The following COL18A1 variants were observed in gnomAD, a reference collection of about 807,000 sequenced individuals.
The protein encoded by COL18A1 is collagen type XVIII alpha 1 chain.
Under a neutral mutation model 168.0 loss-of-function variants are expected in COL18A1, and 133 were observed. The observed-to-expected ratio is 0.79, with a 90% CI of 0.69 to 0.91. The LOEUF is 0.91. Among genes scored for constraint, COL18A1 ranks in the 40% least tolerant of loss-of-function variants. COL18A1 has a pLI of 0.00. For missense variants in COL18A1, 2,126 were observed against 1,925.4 expected (o/e 1.10, Z -1.95); for synonymous variants, 949 against 809.0 (o/e 1.17, Z -2.94).
In COL18A1 at chr21:45,501,062, G is replaced by T. The variant is rs1314790434; in HGVS notation, c.2684-2949G>T. Among the ~76,000 whole-genome samples the T allele has an allele frequency of 3.2e-5, 3 of 92,490 alleles. No individual in the cohort carries two copies. In the East Asian group the frequency reaches 8.4e-4, roughly 26 times the overall value. The allele number at this position is 92,490 out of a possible 152,430, so 60.7% of individuals were successfully genotyped here. ...TGTGTGTTGGGTGTGTAGTGTGGGG[G>T]TGTGGTTTGGTGTGTGTTGGGTGTG... On this transcript the variant is annotated intron_variant, in intron 32 of 41. Transcript: ENST00000651438.
intron 4 of COL18A1, among the ~76,000 whole-genome samples, chr21:45,474,804 C>CCG (rs1555859331): frequency 1.3e-4 from 1 of 7,794 alleles, no homozygotes; most frequent in Non-Finnish European, 2.8e-4. Flanking sequence ...GACACCGTGG[C>CCG]TGGACTGTGG....
rs556342223 is a variant in COL18A1, at chr21:45,481,247, G to A, written c.1611+389G>A. Among the ~76,000 whole-genome samples the A allele has an allele frequency of 3.0e-4, 46 of 152,306 alleles. No individual in the cohort carries two copies. The South Asian group carries it at 9.1e-3, about 30-fold the overall frequency. Reference sequence around the variant, plus strand: ...GCCTGCTTGGCCAACGCGGCTCGTAGGGTCTCAGGTCCCCACGGCAGGCTC... The same window carrying A: ...GCCTGCTTGGCCAACGCGGCTCGTAAGGTCTCAGGTCCCCACGGCAGGCTC... On this transcript the variant is annotated intron_variant, in intron 13 of 41. Coordinates refer to ENST00000651438, the MANE Select transcript of COL18A1 (RefSeq NM_001379500.1).
At chr21:45,432,572 C>T (rs1180756026) in intron 2 of COL18A1, among the ~76,000 whole-genome samples, 2 of 152,326 alleles carry the variant, frequency 1.3e-5, no homozygotes, top group African/African-American at 4.8e-5. Context: ...CCCTCGAGTC[C>T]TAACATCTGC....
intron 14 of COL18A1, chr21:45,482,330 G>C (rs774484447): frequency 2.9e-6 from 2 of 687,232 alleles, no homozygotes; most frequent in East Asian, 5.6e-5. Flanking sequence ...ATGAGCCTCT[G>C]TCGGACTGAC....
intron 8 of COL18A1, 38 bp downstream of exon 8, chr21:45,478,003 G>T: frequency 1.8e-6 from 2 of 1,127,430 alleles, no homozygotes; most frequent in Non-Finnish European, 1.3e-6. Flanking sequence ...GCCCGGTCTG[G>T]AGGGTGGGGG....
chr21:45,456,448 C>T, intron 2 of COL18A1: 1 of 1,544,300 alleles, frequency 6.5e-7, no homozygotes, highest in East Asian at 2.5e-5. Context: ...CTTGGGTCTC[C>T]CACGTGGCTA....
intron 17 of COL18A1, among the ~76,000 whole-genome samples, chr21:45,488,128 G>A (rs2036180086): frequency 6.6e-6 from 1 of 152,252 alleles, no homozygotes; most frequent in Non-Finnish European, 1.5e-5. Flanking sequence ...CACGTGGGGT[G>A]GCTGAAGCCA....
rs762241928 is a variant in COL18A1 at position 45,473,864 on chromosome 21, G to A, written c.652-31G>A. ...GGGTTGCCACTGCCACCTCAGGACC[G>A]CTGGTGACCCCTTTCTCTGTCTGCA... On this transcript the variant is annotated intron_variant, in intron 3 of 41. Transcript: ENST00000651438. This position sits in a 1 kb window ranked among gnomAD's most constrained non-coding sequence, Gnocchi z 4.0. The A allele has an allele frequency of 5.3e-5, 82 of 1,560,244 alleles. No individual in the cohort carries two copies. The South Asian group carries it at 7.1e-4, about 13-fold the overall frequency.
chr21:45,490,774 C>G, intron 20 of COL18A1, 62 bp from the exon 21 acceptor site: 1 of 1,515,740 alleles, frequency 6.6e-7, no homozygotes, highest in Non-Finnish European at 9.0e-7. Flanking sequence ...AGCCATCCCT[C>G]ACGGGGGGCC....
intron 2 of COL18A1, among the ~76,000 whole-genome samples, chr21:45,461,124 G>A (rs111906163): frequency 0.028 from 4,284 of 152,242 alleles, 210 homozygotes; most frequent in African/African-American, 0.097. Flanking sequence ...TATTCTAGCT[G>A]TAATCACCAT....
In COL18A1 at chr21:45,463,055, G is replaced by T. The variant is rs767729628; in HGVS notation, c.107-5187G>T. ...ACATGCTGCTGTTTTTCAATGTCCC[G>T]TTCTTTCATGTTTGGCTCCCAAAGG... On this transcript the variant is annotated intron_variant, in intron 2 of 41. Coordinates refer to ENST00000651438, the MANE Select transcript of COL18A1 (RefSeq NM_001379500.1). The surrounding 1 kb of genome is among the most constrained non-coding windows in gnomAD (Gnocchi z 4.0). 6.6e-6 allele frequency among the ~76,000 whole-genome samples: 1 copy of T among 152,008 alleles called. No individual in the cohort carries two copies. Among genetic ancestry groups the T allele is most frequent in the Non-Finnish European group, 1.5e-5 (1 of 68,022 alleles).
At chr21:45,476,245 T>C in intron 5 of COL18A1, 106 bp from the exon 6 acceptor site, 1 of 1,525,844 alleles carries the variant, frequency 6.6e-7, no homozygotes, top group Non-Finnish European at 8.9e-7. Context: ...AGAGGATTTT[T>C]CTTTATCTTT....
chr21:45,500,737 TTGG>T (rs1243730908), intron 32 of COL18A1, among the ~76,000 whole-genome samples: 1 of 20,096 alleles, frequency 5.0e-5, no homozygotes, highest in Non-Finnish European at 1.1e-4. Context: ...GTTTGGTGTG[TTGG>T]GTGTGTAGTG....
In COL18A1 at chr21:45,443,948, G is replaced by A. The variant is rs1202068151; in HGVS notation, c.107-24294G>A. Among the ~76,000 whole-genome samples, 1 of 152,156 alleles carries A rather than the reference G, an allele frequency of 6.6e-6. No individual in the cohort carries two copies. Among genetic ancestry groups the A allele is most frequent in the Non-Finnish European group, 1.5e-5 (1 of 68,014 alleles). The stretch of plus-strand genomic sequence containing the variant: ...GCCAGGACTGCCTGTCCTCTTTTGG[G>A]TGGCCAGGATGTCACAGGGCGAGTA... On this transcript the variant is annotated intron_variant, in intron 2 of 41. Coordinates refer to ENST00000651438, the MANE Select transcript of COL18A1 (RefSeq NM_001379500.1). This position sits in a 1 kb window ranked among gnomAD's most constrained non-coding sequence, Gnocchi z 5.2.
At chr21:45,504,577 G>A in intron 34 of COL18A1, 21 bp downstream of exon 34, 6 of 1,560,052 alleles carry the variant, frequency 3.8e-6, no homozygotes, top group Non-Finnish European at 5.2e-6. Flanking sequence ...GCCTGTGCAG[G>A]CAGAGCCCAT....
chr21:45,492,842 C>A, intron 24 of COL18A1, 129 bp downstream of exon 24: 1 of 801,506 alleles, frequency 1.2e-6, no homozygotes, highest in South Asian at 1.4e-5. Context: ...GTCACTGCCC[C>A]CAAGGAAATG....
rs745596998 is a variant in COL18A1, at chr21:45,505,371, C to T, written c.3027C>T (p.Pro1009=). 6.3e-5 allele frequency: 101 copies of T among 1,593,252 alleles called. No individual in the cohort carries two copies. Among genetic ancestry groups the T allele is most frequent in the Middle Eastern group, 1.9e-4 (1 of 5,332 alleles). The change falls in exon 36 of 42, where the codon CCC becomes CCT. Residue 1009 remains proline (P), a synonymous_variant. Transcript: ENST00000651438. ...TCTCTCCTGCAGCTATCAGCGTTCC[C>T]GGCCCTCCGGGCCCCCCTGGGCCCC... ...PGPHRQTISV[P]GPPGPPGPPG...
At chr21:45,504,919 A>AGGTCTCTGCT (rs111955017) in intron 34 of COL18A1, among the ~76,000 whole-genome samples, 3 of 151,304 alleles carry the variant, frequency 2.0e-5, no homozygotes, top group Non-Finnish European at 4.4e-5. Flanking sequence ...CACTGTTGTC[A>AGGTCTCTGCT]GGTCTCTGCT....
chr21:45,466,869 C>T (rs1172275125), intron 2 of COL18A1, among the ~76,000 whole-genome samples: 1 of 152,234 alleles, frequency 6.6e-6, no homozygotes, highest in Non-Finnish European at 1.5e-5. Flanking sequence ...CTGGCACGGC[C>T]TCTGGCCCCC....
Sources: allele counts gnomAD v4.1 joint callset (sites outside exome capture counted in the v4.1 genomes callset), GRCh38; gene constraint gnomAD v4.1.1; non-coding constraint Gnocchi (gnomAD v3.1); transcripts MANE v1.5; gene names NCBI Gene and HGNC (gene_info 2026-07-23, HGNC 2026-07-21).